DBN1: variants seen among roughly 807,000 people sequenced by gnomAD.
DBN1 encodes drebrin.
DBN1 carries 21 observed loss-of-function variants against 83.5 expected under a neutral mutation model. That is an observed-to-expected ratio of 0.25 (90% CI 0.18 to 0.36). The LOEUF (loss-of-function observed/expected upper bound fraction) is 0.36. Among genes scored for constraint, DBN1 ranks in the 10% least tolerant of loss-of-function variants. The pLI, the probability that DBN1 is intolerant of heterozygous loss-of-function variation, is 1.00. For missense variants in DBN1, 874 were observed against 935.7 expected (o/e 0.93, Z 0.86); for synonymous variants, 381 against 384.9 (o/e 0.99, Z 0.12).
chr5:177,462,487 T>C, intron 8 of DBN1: 1 of 780,434 alleles, frequency 1.3e-6, no homozygotes, highest in Non-Finnish European at 1.6e-6. Flanking sequence ...TCCACCACGA[T>C]GACACCACAT....
At position 177,468,228 on chromosome 5, in the gene DBN1, A is replaced by G; in HGVS notation, c.143-8T>C. The stretch of plus-strand genomic sequence containing the variant: ...GCTCCTGCAAGCCCCCTTCTAGGGT[A>G]ATCAGGAGAGTGTCAGGTCTCTCTG... On this transcript the variant is annotated splice_region_variant and splice_polypyrimidine_tract_variant and intron_variant, in intron 2 of 14. Coordinates refer to ENST00000393565, the MANE Select transcript of DBN1 (RefSeq NM_001363541.2). 1 of 1,611,274 alleles carries G rather than the reference A, an allele frequency of 6.2e-7. No homozygotes were observed. Among genetic ancestry groups the G allele is most frequent in the African/African-American group, 1.3e-5 (1 of 74,972 alleles).
intron 1 of DBN1, among the ~76,000 whole-genome samples, chr5:177,469,909 A>G (rs184371506): frequency 2.6e-5 from 4 of 152,290 alleles, no homozygotes; most frequent in Admixed American, 2.6e-4. Context: ...CCAAGGCAGG[A>G]GGCTGGGGCT....
chr5:177,468,200 A>C lies in DBN1; in HGVS notation c.163T>G (p.Ser55Ala), dbSNP rs200091717. 9.1e-5 allele frequency: 147 copies of C among 1,613,990 alleles called. No individual in the cohort carries two copies. Among genetic ancestry groups the C allele is most frequent in the Non-Finnish European group, 1.1e-4 (130 of 1,180,006 alleles). The change falls in exon 3 of 15, where the codon TCG becomes GCG. Residue 55 changes from serine to alanine, a missense_variant. Ser to Ala is a moderately conservative substitution (Grantham distance 99). Around this residue, in one of 4 missense-constraint regions of DBN1, gnomAD observed 82 missense variants for 101.7 expected, o/e 0.81. Coordinates refer to ENST00000393565, the MANE Select transcript of DBN1 (RefSeq NM_001363541.2). ...ASGEGGLQEL[S>A]GHFENQKVMY... ...ACCTTCTGGTTCTCAAAGTGTCCCG[A>C]AAGCTCCTGCAAGCCCCCTTCTAGG... is the stretch of plus-strand genomic sequence containing the variant.
In DBN1 at chr5:177,459,175, T is replaced by C; in HGVS notation, c.1187A>G (p.Glu396Gly). 1.2e-6 allele frequency: 2 copies of C among 1,611,112 alleles called. No individual in the cohort carries two copies. The highest frequency in any genetic ancestry group is 1.7e-6 in the Non-Finnish European group (2 of 1,178,844). The change falls in exon 12 of 15, where the codon GAG (glutamate) becomes GGG (glycine). Residue 396 changes from glutamate (E) to glycine (G), a missense_variant. Coordinates refer to ENST00000393565, the MANE Select transcript of DBN1 (RefSeq NM_001363541.2). Reference sequence around the variant, plus strand: ...CTCATCCAGGGCCCGCTCTATCTGCTCAGCGACAGGGGTGGAGGCGGTGCT... The same window carrying C: ...CTCATCCAGGGCCCGCTCTATCTGCCCAGCGACAGGGGTGGAGGCGGTGCT... ...DSSTASTPVA[E>G]QIERALDEVT...
At position 177,459,623 on chromosome 5, in the gene DBN1, T is replaced by G; in HGVS notation, c.1073A>C (p.Asn358Thr). The G allele has an allele frequency of 6.5e-7, 1 of 1,543,166 alleles. No homozygotes were observed. Among genetic ancestry groups the G allele is most frequent in the Non-Finnish European group, 8.7e-7 (1 of 1,144,520 alleles). ...CCTACATGGGAGGGAGGAAGAGAGGTTTGGGGTGCGGTGGCAGGTGATATA... is the reference window on the plus strand; with the variant it reads ...CCTACATGGGAGGGAGGAAGAGAGGGTTGGGGTGCGGTGGCAGGTGATATA... Reference protein sequence around the residue: ...FPYITCHRTPNLSSSLPCSHL... With the variant: ...FPYITCHRTPTLSSSLPCSHL... Residue 358 changes from asparagine (N) to threonine (T), a missense_variant, in exon 11 of 15, where the codon AAC becomes ACC. By Grantham distance (65) the Asn-to-Thr change is moderately conservative. This residue lies in a region of DBN1 where 725 missense variants were observed against 719.7 expected (regional missense o/e 1.01). Transcript: ENST00000393565.
intron 8 of DBN1, among the ~76,000 whole-genome samples, chr5:177,465,180 T>TA (rs879824908): frequency 3.9e-5 from 6 of 152,136 alleles, no homozygotes; most frequent in Non-Finnish European, 8.8e-5. Context: ...AAAAAAATTT[T>TA]AAAAAACCTC....
Position 177,458,389 on chromosome 5 carries a change from T to A in DBN1, c.1583A>T (p.Asn528Ile). 1 of 1,614,036 alleles carries A rather than the reference T, an allele frequency of 6.2e-7. No individual in the cohort carries two copies. Among genetic ancestry groups the A allele is most frequent in the Non-Finnish European group, 8.5e-7 (1 of 1,179,958 alleles). ...CTGGAGTGTGGAGGCCCCTTCCCCG[T>A]TGCCAGGCCATAGGTCAATGAGGCT... ...ATSLIDLWPG[N>I]GEGASTLQGE... is the part of the protein sequence containing the mutation. The change falls in exon 13 of 15, where the codon AAC becomes ATC. Residue 528 changes from asparagine (N) to isoleucine (I), a missense_variant. Asn to Ile is a moderately radical substitution (Grantham distance 149). Transcript: ENST00000393565.
At position 177,468,015 on chromosome 5, in the gene DBN1, G is replaced by A. The variant is rs563872651; in HGVS notation, c.255+93C>T. 29 of 740,716 alleles carry A rather than the reference G, an allele frequency of 3.9e-5. No individual in the cohort carries two copies. In the African/African-American group the frequency reaches 4.9e-4, roughly 13 times the overall value. The allele number at this position is 740,716 out of a possible 1,614,324, so 45.9% of individuals were successfully genotyped here. A position where few individuals can be genotyped will look rare whatever the true frequency, so the allele number is the denominator to read the frequency against. Reference sequence around the variant, plus strand: ...GCATACCCAGTTGATGAGCAGCTCTGGGCCCTCAGCCCCCTTCCCCAGCCC... The same window carrying A: ...GCATACCCAGTTGATGAGCAGCTCTAGGCCCTCAGCCCCCTTCCCCAGCCC... On this transcript the variant is annotated intron_variant, in intron 3 of 14. Coordinates refer to ENST00000393565, the MANE Select transcript of DBN1 (RefSeq NM_001363541.2).
At position 177,468,198 on chromosome 5, in the gene DBN1, C is replaced by T. The variant is rs1344415885; in HGVS notation, c.165G>A (p.Ser55=). ...TCACCTTCTGGTTCTCAAAGTGTCC[C>T]GAAAGCTCCTGCAAGCCCCCTTCTA... ...ASGEGGLQEL[S]GHFENQKVMY... is the part of the protein sequence containing the mutation. Residue 55 remains serine (S), a synonymous_variant, in exon 3 of 15, where the codon TCG becomes TCA. Transcript: ENST00000393565. The T allele has an allele frequency of 1.5e-5, 25 of 1,614,096 alleles. No individual in the cohort carries two copies. Among genetic ancestry groups the T allele is most frequent in the East Asian group, 2.2e-5 (1 of 44,876 alleles).
intron 1 of DBN1, chr5:177,472,924 C>G (rs1246083993): frequency 1.3e-6 from 1 of 772,376 alleles, no homozygotes; most frequent in African/African-American, 1.9e-5. Flanking sequence ...GCGCCCGGCC[C>G]CCAGCCCGCT....
intron 12 of DBN1, 22 bp from the exon 13 acceptor site, chr5:177,458,729 A>G (rs1175849060): frequency 6.7e-7 from 1 of 1,492,376 alleles, no homozygotes; most frequent in East Asian, 2.3e-5. Flanking sequence ...CAGGCAGAGG[A>G]GATATGTAAC....
At chr5:177,461,954 G>A (rs1455178337) in intron 8 of DBN1, among the ~76,000 whole-genome samples, 1 of 152,138 alleles carries the variant, frequency 6.6e-6, no homozygotes, top group African/African-American at 2.4e-5. Flanking sequence ...CTGAGATGAG[G>A]GTCCCAGTTT....
At chr5:177,470,450 C>A (rs971561527) in intron 1 of DBN1, among the ~76,000 whole-genome samples, 1 of 152,156 alleles carries the variant, frequency 6.6e-6, no homozygotes, top group Non-Finnish European at 1.5e-5. Context: ...CCCCTGGCTC[C>A]CCACCTCCGG....
chr5:177,463,415 G>A (rs337374), intron 8 of DBN1, among the ~76,000 whole-genome samples: 64,433 of 152,042 alleles, frequency 0.42, 14,767 homozygotes, highest in Non-Finnish European at 0.54. Context: ...AGAGATCAAC[G>A]CACTAACCAC....
chr5:177,463,917 C>A (rs1010589684), intron 8 of DBN1, among the ~76,000 whole-genome samples: 1 of 151,984 alleles, frequency 6.6e-6, no homozygotes. Flanking sequence ...GAGTTTGAGA[C>A]CAGCCTGGCC....
intron 8 of DBN1, among the ~76,000 whole-genome samples, chr5:177,464,872 A>C (rs565438339): frequency 6.8e-6 from 1 of 146,194 alleles, no homozygotes; most frequent in Non-Finnish European, 1.5e-5. Context: ...CCTGGGAGGC[A>C]GGCCGGGTGC....
chr5:177,459,745 C>CGA lies in DBN1; in HGVS notation c.956-7_956-6dup, dbSNP rs748072189. 2 of 1,492,630 alleles carry CGA rather than the reference C, an allele frequency of 1.3e-6. No individual in the cohort carries two copies. The highest frequency in any genetic ancestry group is 1.3e-5 in the South Asian group (1 of 75,672). The allele number at this position is 1,492,630 out of a possible 1,614,324, so 92.5% of individuals were successfully genotyped here. ...TGAAAGGGCAGTACGGACGACCTGCCGAGAGAGACAGACAGAGAAAGAGAC... is the reference window on the plus strand; with the variant it reads ...TGAAAGGGCAGTACGGACGACCTGCCGAGAGAGAGACAGACAGAGAAAGAGAC... On this transcript the variant is annotated splice_polypyrimidine_tract_variant and splice_region_variant and intron_variant, in intron 10 of 14. Coordinates refer to ENST00000393565, the MANE Select transcript of DBN1 (RefSeq NM_001363541.2).
intron 8 of DBN1, among the ~76,000 whole-genome samples, chr5:177,464,115 T>TA (rs1056945648): frequency 6.8e-6 from 1 of 146,926 alleles, no homozygotes; most frequent in African/African-American, 2.5e-5. Context: ...GACTTCATCT[T>TA]AAAAAAGATA....
intron 1 of DBN1, among the ~76,000 whole-genome samples, chr5:177,471,889 T>TGGGGTGTTGGTAGACAACACCCCTCCA (rs1757868160): frequency 6.6e-6 from 1 of 151,842 alleles, no homozygotes; most frequent in Admixed American, 6.5e-5. Flanking sequence ...TAGGAGAAAA[T>TGGGGTGTTGGTAGACAACACCCCTCCA]GGGGTGTTGG....
Sources: allele counts gnomAD v4.1 joint callset (sites outside exome capture counted in the v4.1 genomes callset), GRCh38; gene constraint gnomAD v4.1.1; regional missense constraint gnomAD v4.1.1; transcripts MANE v1.5; gene names NCBI Gene and HGNC (gene_info 2026-07-23, HGNC 2026-07-21).